The following NOP58 variants were observed in gnomAD, a reference collection of about 807,000 sequenced individuals.
The protein encoded by NOP58 is NOP58 ribonucleoprotein.
Under a neutral mutation model 71.2 loss-of-function variants are expected in NOP58, and 44 were observed. That is an observed-to-expected ratio of 0.62 (90% CI 0.49 to 0.79). The LOEUF is 0.79. Ranked by LOEUF, NOP58 falls within the 30% of genes least tolerant of loss-of-function variation. The pLI is 0.00. For synonymous variants in NOP58, 228 were observed against 200.3 expected (o/e 1.14, Z -1.17); for missense variants, 538 against 620.2 (o/e 0.87, Z 1.41).
At chr2:202,273,102 G>A (rs934505720) in intron 1 of NOP58, among the ~76,000 whole-genome samples, 1 of 152,092 alleles carries the variant, frequency 6.6e-6, no homozygotes, top group East Asian at 1.9e-4. Flanking sequence ...TCCAGCCTGG[G>A]CGACAGAGCG....
chr2:202,274,609 G>A lies in NOP58; in HGVS notation c.46-504G>A, dbSNP rs114050958. Among the ~76,000 whole-genome samples, 684 of 151,848 alleles carry A rather than the reference G, an allele frequency of 4.5e-3. 5 individuals carry two copies. The highest frequency in any genetic ancestry group is 0.015 in the African/African-American group (641 of 41,382). On this transcript the variant is annotated intron_variant, in intron 1 of 14. Transcript: ENST00000264279. ...GATTAATGGCTCTTTTAAAAGAAAG[G>A]TTCTCGGCCAGGTGCAGTGGTGCAC...
chr2:202,284,378 G>A lies in NOP58; in HGVS notation c.331G>A (p.Val111Ile). 6.2e-7 allele frequency: 1 copy of A among 1,612,908 alleles called. No homozygotes were observed. The highest frequency in any genetic ancestry group is 1.1e-5 in the South Asian group (1 of 91,030). The change falls in exon 5 of 15, where the codon GTT becomes ATT. Residue 111 changes from valine (V) to isoleucine (I), a missense_variant. Physicochemically the swap from Val to Ile is conservative, Grantham distance 29. Transcript: ENST00000264279. ...KLNLSCIHSP[V>I]VNELMRGIRS... ...GAATCTCAGTTGTATCCATAGTCCT[G>A]TTGTTAATGAACTTATGAGAGGAAT...
Position 202,301,784 on chromosome 2 carries a change from C to T in NOP58, c.1403-1137C>T, listed in dbSNP as rs188385689. Among the ~76,000 whole-genome samples the T allele has an allele frequency of 2.1e-3, 314 of 152,272 alleles. 4 individuals carry two copies. The South Asian group carries it at 0.036, about 17-fold the overall frequency. On this transcript the variant is annotated intron_variant, in intron 13 of 14. Transcript: ENST00000264279. ...TTTCCCTCAAGATACATGTATCATT[C>T]ATTCACTCCCTCACCTCTTCTAGGT...
At chr2:202,277,540 A>AT (rs962409708) in intron 2 of NOP58, among the ~76,000 whole-genome samples, 5 of 151,618 alleles carry the variant, frequency 3.3e-5, no homozygotes, top group Admixed American at 6.6e-5. Flanking sequence ...ACAATAAGCT[A>AT]TTTTTTTTAA....
chr2:202,269,732 C>T (rs1688485032), intron 1 of NOP58, among the ~76,000 whole-genome samples: 1 of 151,920 alleles, frequency 6.6e-6, no homozygotes, highest in Non-Finnish European at 1.5e-5. Context: ...CAGGGCAAGA[C>T]TCCGTCTCAA....
chr2:202,300,474 C>G, intron 13 of NOP58, 107 bp downstream of exon 13: 1 of 840,986 alleles, frequency 1.2e-6, no homozygotes, highest in Non-Finnish European at 1.9e-6. Context: ...TAAAACTGCT[C>G]ATTGAACGCT....
chr2:202,300,177 A>C (rs1689066788), intron 12 of NOP58, 57 bp from the exon 13 acceptor site: 5 of 1,409,630 alleles, frequency 3.5e-6, no homozygotes, highest in Non-Finnish European at 4.9e-6. Context: ...TCTCTTGAGA[A>C]TTATTTCAAT....
intron 1 of NOP58, among the ~76,000 whole-genome samples, chr2:202,268,995 T>C (rs556895986): frequency 6.6e-6 from 1 of 152,240 alleles, no homozygotes; most frequent in South Asian, 2.1e-4. Flanking sequence ...TTTATGTATT[T>C]AAAATTTATT....
intron 13 of NOP58, 116 bp downstream of exon 13, chr2:202,300,483 C>A: frequency 1.3e-6 from 1 of 772,648 alleles, no homozygotes; most frequent in Non-Finnish European, 2.1e-6. Flanking sequence ...TCATTGAACG[C>A]TAATGGTGTT....
intron 12 of NOP58, among the ~76,000 whole-genome samples, chr2:202,298,810 T>C (rs1268866308): frequency 6.6e-6 from 1 of 152,164 alleles, no homozygotes; most frequent in Non-Finnish European, 1.5e-5. Flanking sequence ...CAATGCTCAA[T>C]GCTGGTGAGG....
At chr2:202,279,884 C>T (rs978526032) in intron 3 of NOP58, among the ~76,000 whole-genome samples, 2 of 152,128 alleles carry the variant, frequency 1.3e-5, no homozygotes, top group Admixed American at 6.6e-5. Flanking sequence ...AGTCTAAGCT[C>T]CATGAGGGCA....
chr2:202,269,238 C>G (rs1002117749), intron 1 of NOP58, among the ~76,000 whole-genome samples: 3 of 150,742 alleles, frequency 2.0e-5, no homozygotes, highest in Non-Finnish European at 4.4e-5. Context: ...GTGGTGTGAT[C>G]TCGGCTCACT....
intron 8 of NOP58, among the ~76,000 whole-genome samples, chr2:202,291,662 C>T (rs1458236688): frequency 6.6e-6 from 1 of 151,862 alleles, no homozygotes; most frequent in Non-Finnish European, 1.5e-5. Context: ...CAAAAATTAG[C>T]TGCGCGTGGT....
At chr2:202,303,309 G>C in intron 14 of NOP58, 77 bp from the exon 15 acceptor site, 1 of 1,574,058 alleles carries the variant, frequency 6.4e-7, no homozygotes, top group Non-Finnish European at 8.6e-7. Context: ...TTATAGGTGG[G>C]GTTTTTATAT....
At chr2:202,289,362 G>A (rs1292859235) in intron 6 of NOP58, among the ~76,000 whole-genome samples, 1 of 152,052 alleles carries the variant, frequency 6.6e-6, no homozygotes, top group Non-Finnish European at 1.5e-5. Context: ...ACTTTTTGTG[G>A]TACCACACAA....
intron 12 of NOP58, chr2:202,299,984 A>G: frequency 2.8e-6 from 1 of 361,030 alleles, no homozygotes; most frequent in South Asian, 3.4e-5. Flanking sequence ...CATAGTAACT[A>G]CATTGATTAC....
intron 1 of NOP58, among the ~76,000 whole-genome samples, chr2:202,274,779 G>C (rs573668050): frequency 3.3e-5 from 5 of 151,860 alleles, no homozygotes; most frequent in Non-Finnish European, 7.4e-5. Flanking sequence ...TAAAAAGAAA[G>C]GTTCCCTGCC....
chr2:202,278,905 G>C (rs965707523), intron 3 of NOP58, among the ~76,000 whole-genome samples: 65 of 152,164 alleles, frequency 4.3e-4, no homozygotes, highest in African/African-American at 1.5e-3. Flanking sequence ...AACCTTGGCA[G>C]AGGGGTAGGC....
At position 202,297,926 on chromosome 2, in the gene NOP58, G is replaced by A; in HGVS notation, c.1268+20G>A. On this transcript the variant is annotated intron_variant, in intron 12 of 14. Transcript: ENST00000264279. ...CAAAAGGTGAGTACATTTAAGTGAGGATGGGGTGAATAGTTTTTTTAAATG... is the reference window on the plus strand; with the variant it reads ...CAAAAGGTGAGTACATTTAAGTGAGAATGGGGTGAATAGTTTTTTTAAATG... The A allele has an allele frequency of 6.8e-7, 1 of 1,462,136 alleles. No individual in the cohort carries two copies. Among genetic ancestry groups the A allele is most frequent in the Non-Finnish European group, 9.3e-7 (1 of 1,076,060 alleles). The allele number at this position is 1,462,136 out of a possible 1,614,324, so 90.6% of individuals were successfully genotyped here.
Sources: gnomAD v4.1 joint callset for allele counts (sites outside exome capture counted in the v4.1 genomes callset) on GRCh38, gnomAD v4.1.1 for gene constraint, MANE v1.5 for transcripts, NCBI Gene and HGNC (gene_info 2026-07-23, HGNC 2026-07-21) for gene names.